Variants in POU6F2 observed in about 807,000 individuals in gnomAD.
POU6F2 encodes the protein POU domain, class 6, transcription factor 2.
Under a neutral mutation model 71.3 loss-of-function variants are expected in POU6F2, and 31 were observed. The observed-to-expected ratio is 0.43, with a 90% CI of 0.33 to 0.59. POU6F2 has a LOEUF of 0.59. POU6F2 is among the 20% of genes least tolerant of loss of function. The pLI, the probability that POU6F2 is intolerant of heterozygous loss-of-function variation, is 0.04. For synonymous variants in POU6F2, 347 were observed against 355.7 expected, an observed-to-expected ratio of 0.98 and a Z score of 0.27; for missense variants, 783 against 856.8, an observed-to-expected ratio of 0.91 and a Z score of 1.07.
intron 1 of POU6F2, among the ~76,000 whole-genome samples, chr7:38,997,717 TA>T (rs1269161810): frequency 6.6e-6 from 1 of 152,186 alleles, no homozygotes; most frequent in East Asian, 1.9e-4. Context: ...GAGTATTTGT[TA>T]AGCAAATTTC....
chr7:39,282,035 A>T (rs1369404517), intron 4 of POU6F2, among the ~76,000 whole-genome samples: 1 of 152,004 alleles, frequency 6.6e-6, no homozygotes, highest in Admixed American at 6.5e-5. Context: ...CATTTTCCTG[A>T]TGATTGGTGA....
intron 2 of POU6F2, among the ~76,000 whole-genome samples, chr7:39,108,066 T>A (rs1414675007): frequency 6.6e-6 from 1 of 152,184 alleles, no homozygotes; most frequent in Non-Finnish European, 1.5e-5. Flanking sequence ...ACTGTGATTC[T>A]GAAATTGCTC....
chr7:39,185,865 GTATATATGTATATGTATATA>G (rs1793528988), intron 2 of POU6F2, among the ~76,000 whole-genome samples: 1 of 146,392 alleles, frequency 6.8e-6, no homozygotes, highest in Non-Finnish European at 1.5e-5. Flanking sequence ...GTGTATATAT[GTATATATGTATATGTATATA>G]TTTATATGTA....
chr7:39,094,425 G>T (rs550883048), intron 2 of POU6F2, among the ~76,000 whole-genome samples: 1 of 152,046 alleles, frequency 6.6e-6, no homozygotes, highest in African/African-American at 2.4e-5. Context: ...CTTTTTTTAA[G>T]TCAAAGGCAT....
intron 5 of POU6F2, among the ~76,000 whole-genome samples, chr7:39,369,836 A>G (rs924630639): frequency 6.8e-6 from 1 of 146,648 alleles, no homozygotes; most frequent in Non-Finnish European, 1.5e-5. Context: ...GACACACACC[A>G]CCACTCGCAG....
intron 1 of POU6F2, among the ~76,000 whole-genome samples, chr7:39,024,502 TCTC>T (rs1315362251): frequency 6.6e-6 from 1 of 152,088 alleles, no homozygotes; most frequent in Admixed American, 6.6e-5. Context: ...TTTATTTCCT[TCTC>T]CTGCCTAATT....
intron 7 of POU6F2, among the ~76,000 whole-genome samples, chr7:39,434,366 A>G (rs1284070051): frequency 6.6e-6 from 1 of 152,142 alleles, no homozygotes; most frequent in Non-Finnish European, 1.5e-5. Flanking sequence ...CCTTGAACAC[A>G]CTACATATCA....
chr7:39,446,128 C>A (rs968557420), intron 7 of POU6F2, among the ~76,000 whole-genome samples: 8 of 152,196 alleles, frequency 5.3e-5, no homozygotes, highest in Non-Finnish European at 8.8e-5. Context: ...CAGAAAAATG[C>A]CAACTAGGGC....
intron 7 of POU6F2, among the ~76,000 whole-genome samples, chr7:39,434,535 T>C (rs957673085): frequency 2.6e-5 from 4 of 151,938 alleles, no homozygotes; most frequent in African/African-American, 9.7e-5. Flanking sequence ...ATAGTGATGA[T>C]GATGATGATG....
At chr7:39,155,430 G>C (rs1792849868) in intron 2 of POU6F2, among the ~76,000 whole-genome samples, 1 of 152,148 alleles carries the variant, frequency 6.6e-6, no homozygotes, top group African/African-American at 2.4e-5. Flanking sequence ...ATTGTGAAAA[G>C]TGGTTTTATT....
chr7:39,208,564 A>G (rs959703513), intron 4 of POU6F2, among the ~76,000 whole-genome samples: 1 of 152,236 alleles, frequency 6.6e-6, no homozygotes, highest in East Asian at 1.9e-4. Context: ...CACAAGACTA[A>G]GAAACAGACC....
At chr7:39,181,474 C>T (rs1338089130) in intron 2 of POU6F2, among the ~76,000 whole-genome samples, 1 of 152,184 alleles carries the variant, frequency 6.6e-6, no homozygotes, top group African/African-American at 2.4e-5. Context: ...TTGTTCCTAC[C>T]ATATCTATTC....
intron 4 of POU6F2, among the ~76,000 whole-genome samples, chr7:39,221,885 A>C (rs565595729): frequency 6.6e-6 from 1 of 152,336 alleles, no homozygotes; most frequent in East Asian, 1.9e-4. Flanking sequence ...TTTATGGTTT[A>C]AATATTTTAA....
intron 2 of POU6F2, among the ~76,000 whole-genome samples, chr7:39,116,976 A>G (rs2128726754): frequency 6.6e-6 from 1 of 152,306 alleles, no homozygotes; most frequent in Middle Eastern, 3.4e-3. Flanking sequence ...CTCTGAAATG[A>G]CATTATGTAG....
chr7:39,082,817 C>CACACAT (rs1791153640), intron 1 of POU6F2, among the ~76,000 whole-genome samples: 2 of 151,632 alleles, frequency 1.3e-5, no homozygotes, highest in Admixed American at 1.3e-4. Context: ...CACACACACA[C>CACACAT]ACACACACAC....
chr7:39,369,848 ATTT>A (rs534189300), intron 5 of POU6F2, among the ~76,000 whole-genome samples: 3 of 135,448 alleles, frequency 2.2e-5, no homozygotes, highest in Admixed American at 7.3e-5. Flanking sequence ...CACTCGCAGC[ATTT>A]TTTTTTTTTT....
At chr7:39,006,746 T>G in intron 1 of POU6F2, 5 of 1,113,480 alleles carry the variant, frequency 4.5e-6, no homozygotes, top group Non-Finnish European at 6.8e-6. Context: ...AATGTTGGGG[T>G]TTTCTTCTAG....
At chr7:39,353,120 C>T (rs550972824) in intron 5 of POU6F2, among the ~76,000 whole-genome samples, 2 of 152,234 alleles carry the variant, frequency 1.3e-5, no homozygotes, top group South Asian at 4.1e-4. Context: ...ACCTAGGAAC[C>T]CAGGCACAGC....
chr7:39,406,780 G>C (rs1787443068), intron 6 of POU6F2, 40 bp downstream of exon 6: 3 of 1,607,234 alleles, frequency 1.9e-6, no homozygotes, highest in Non-Finnish European at 2.5e-6. Flanking sequence ...TTTTATGGCA[G>C]ATTGAACTCG....
Sources: gnomAD v4.1 joint callset for allele counts (sites outside exome capture counted in the v4.1 genomes callset) on GRCh38, gnomAD v4.1.1 for gene constraint, MANE v1.5 for transcripts, NCBI Gene and HGNC (gene_info 2026-07-23, HGNC 2026-07-21) for gene names.